The following RELN variants were observed in gnomAD, a reference collection of about 807,000 sequenced individuals.
The protein encoded by RELN is reelin.
A neutral mutation model predicts 427.6 loss-of-function variants in RELN; 108 were observed. The ratio of observed to expected loss-of-function variants is 0.25; its 90% CI spans 0.22 to 0.30. RELN has a LOEUF of 0.30. Among genes scored for constraint, RELN ranks in the 10% least tolerant of loss-of-function variants. The pLI is 1.00. For synonymous variants in RELN, 1,524 were observed against 1,513.4 expected (o/e 1.01, Z -0.16); for missense variants, 3,715 against 4,302.8 (o/e 0.86, Z 3.82).
At chr7:103,894,494 CA>C (rs1794917256) in intron 2 of RELN, among the ~76,000 whole-genome samples, 1 of 152,070 alleles carries the variant, frequency 6.6e-6, no homozygotes, top group East Asian at 1.9e-4. Context: ...GATTTAAAAG[CA>C]TGCTATTTTT....
At position 103,920,585 on chromosome 7, in the gene RELN, T is replaced by G. The variant is rs1023375906; in HGVS notation, c.227-3400A>C. Among the ~76,000 whole-genome samples the G allele has an allele frequency of 1.2e-4, 7 of 58,760 alleles. No homozygotes were observed. In the East Asian group the frequency reaches 3.6e-3, roughly 31 times the overall value. The allele number at this position is 58,760 out of a possible 152,430, so 38.5% of individuals were successfully genotyped here. ...GTCTTTGGTTTTTTTTTTTGTTTTT[T>G]TTTTTTTTGAGAGAGTCTCGCTCTC... is the stretch of plus-strand genomic sequence containing the variant. On this transcript the variant is annotated intron_variant, in intron 1 of 64. Coordinates refer to ENST00000428762, the MANE Select transcript of RELN (RefSeq NM_005045.4).
At chr7:103,700,868 T>G in intron 9 of RELN, 42 bp downstream of exon 9, 2 of 1,231,184 alleles carry the variant, frequency 1.6e-6, no homozygotes, top group Non-Finnish European at 1.2e-6. Context: ...TAGAACTCCA[T>G]CTATGTCAGA....
At chr7:103,625,670 T>G (rs960996514) in intron 20 of RELN, among the ~76,000 whole-genome samples, 13 of 152,100 alleles carry the variant, frequency 8.5e-5, no homozygotes, top group East Asian at 3.9e-4. Context: ...CAGGTTCACA[T>G]GTATCCCCCC....
At chr7:103,560,805 A>C (rs938320991) in intron 36 of RELN, among the ~76,000 whole-genome samples, 1 of 152,206 alleles carries the variant, frequency 6.6e-6, no homozygotes, top group Non-Finnish European at 1.5e-5. Flanking sequence ...AAGGATGATA[A>C]CTGGCATCTA....
At chr7:103,872,786 GT>G (rs1313637564) in intron 2 of RELN, among the ~76,000 whole-genome samples, 1 of 149,344 alleles carries the variant, frequency 6.7e-6, no homozygotes, top group East Asian at 2.1e-4. Flanking sequence ...TCTCATAGTG[GT>G]TTTGATTTGC....
rs551804023 is a variant in RELN, at chr7:103,629,641, T to TA, written c.2702+298dup. Among the ~76,000 whole-genome samples the TA allele has an allele frequency of 0.13, 18,947 of 150,200 alleles. 1,475 individuals are homozygous for TA. The highest frequency in any genetic ancestry group is 0.23 in the African/African-American group (9,379 of 40,464). ...CACTTTTTGAAGAGGTTTTTTTTTT[T>TA]AAAATATGTAATTGTGGGAAATTAA... On this transcript the variant is annotated intron_variant, in intron 20 of 64. Coordinates refer to ENST00000428762, the MANE Select transcript of RELN (RefSeq NM_005045.4).
chr7:103,520,914 G>T (rs1829685089), intron 48 of RELN, among the ~76,000 whole-genome samples: 2 of 148,006 alleles, frequency 1.4e-5, no homozygotes, highest in Admixed American at 1.3e-4. Flanking sequence ...AAACTCTAAG[G>T]TAGGGCATGC....
At chr7:103,526,831 G>A (rs770618241) in intron 46 of RELN, among the ~76,000 whole-genome samples, 1 of 152,140 alleles carries the variant, frequency 6.6e-6, no homozygotes, top group Non-Finnish European at 1.5e-5. Context: ...TCTTGGTGGA[G>A]TTCCTCGGCA....
chr7:103,749,090 A>G (rs1385403524), intron 6 of RELN, among the ~76,000 whole-genome samples: 1 of 152,142 alleles, frequency 6.6e-6, no homozygotes, highest in Non-Finnish European at 1.5e-5. Context: ...ATCATTTGTC[A>G]TTTCAGATAA....
intron 2 of RELN, among the ~76,000 whole-genome samples, chr7:103,845,143 A>C (rs1048682151): frequency 2.3e-5 from 3 of 129,472 alleles, no homozygotes; most frequent in Admixed American, 2.3e-4. Flanking sequence ...TTATCAAAAA[A>C]AAATTTTTTT....
chr7:103,826,320 A>ATGTGTGTGTGTGTGTGTG lies in RELN; in HGVS notation c.473+7199_473+7216dup, dbSNP rs71154374. ...CAGAAGCACAAAACAGACTAAGACAATGTGTGTGTGTGTGTGTGTGTGTGT... is the reference window on the plus strand; with the variant it reads ...CAGAAGCACAAAACAGACTAAGACAATGTGTGTGTGTGTGTGTGTGTGTGTGTGTGTGTGTGTGTGTGT... On this transcript the variant is annotated intron_variant, in intron 3 of 64. Transcript: ENST00000428762. Among the ~76,000 whole-genome samples, 522 of 122,044 alleles carry ATGTGTGTGTGTGTGTGTG rather than the reference A, an allele frequency of 4.3e-3. 1 individual carries two copies. The highest frequency in any genetic ancestry group is 5.6e-3 in the African/African-American group (203 of 35,936). 80.1% of individuals were successfully genotyped at this position (122,044 alleles called of 152,430 possible). A position where few individuals can be genotyped will look rare whatever the true frequency, so the allele number is the denominator to read the frequency against.
intron 2 of RELN, among the ~76,000 whole-genome samples, chr7:103,896,049 C>A (rs1029902646): frequency 6.6e-6 from 1 of 151,956 alleles, no homozygotes; most frequent in Admixed American, 6.6e-5. Context: ...AGACCCTTGA[C>A]AAAAGTGGCC....
rs1584438563 is a variant in RELN, at chr7:103,725,821, G to C, written c.753+2290C>G. On this transcript the variant is annotated intron_variant, in intron 7 of 64. Coordinates refer to ENST00000428762, the MANE Select transcript of RELN (RefSeq NM_005045.4). ...AGCTGTTAAAAAGAAACAAAAACTT[G>C]TGCTATGTCCAGGTAACAGTTTCTT... is the stretch of plus-strand genomic sequence containing the variant. 2.6e-5 allele frequency among the ~76,000 whole-genome samples: 4 copies of C among 152,110 alleles called. No homozygotes were observed. In the South Asian group the frequency reaches 8.3e-4, roughly 31 times the overall value.
chr7:103,537,132 A>G (rs1275499262), intron 45 of RELN, among the ~76,000 whole-genome samples: 1 of 152,242 alleles, frequency 6.6e-6, no homozygotes, highest in Non-Finnish European at 1.5e-5. Context: ...GGTTGTTAAG[A>G]AAAAACACAA....
chr7:103,679,257 T>C (rs1584401382), intron 11 of RELN, among the ~76,000 whole-genome samples: 1 of 152,180 alleles, frequency 6.6e-6, no homozygotes, highest in Non-Finnish European at 1.5e-5. Flanking sequence ...TATCCTTTTA[T>C]ACTGTATAAC....
At chr7:103,749,880 T>A (rs1167845490) in intron 5 of RELN, among the ~76,000 whole-genome samples, 1 of 152,094 alleles carries the variant, frequency 6.6e-6, no homozygotes, top group Non-Finnish European at 1.5e-5. Context: ...GTTCCCATAA[T>A]CCCCATATAT....
At chr7:103,755,243 C>T (rs920069940) in intron 4 of RELN, among the ~76,000 whole-genome samples, 7 of 151,832 alleles carry the variant, frequency 4.6e-5, no homozygotes, top group Middle Eastern at 3.2e-3. Context: ...ATCACGAGGG[C>T]GGATCACGAG....
At chr7:103,823,470 T>G (rs887791240) in intron 3 of RELN, among the ~76,000 whole-genome samples, 2 of 152,008 alleles carry the variant, frequency 1.3e-5, no homozygotes, top group Non-Finnish European at 2.9e-5. Context: ...CTCCCTATTT[T>G]GGAAGTTATA....
chr7:103,737,801 T>G (rs984993360), intron 6 of RELN, among the ~76,000 whole-genome samples: 1 of 152,214 alleles, frequency 6.6e-6, no homozygotes, highest in Non-Finnish European at 1.5e-5. Flanking sequence ...AAAATGGAAA[T>G]GTTCTAGTCT....
Sources: allele counts gnomAD v4.1 joint callset (sites outside exome capture counted in the v4.1 genomes callset), GRCh38; gene constraint gnomAD v4.1.1; transcripts MANE v1.5; gene names NCBI Gene and HGNC (gene_info 2026-07-23, HGNC 2026-07-21).